Variants in CAMTA1 observed in about 807,000 individuals in gnomAD.
CAMTA1 encodes the protein calmodulin-binding transcription activator 1.
A neutral mutation model predicts 170.9 loss-of-function variants in CAMTA1; 27 were observed. The ratio of observed to expected loss-of-function variants is 0.16; its 90% confidence interval spans 0.12 to 0.22. The LOEUF is 0.22. Ranked by LOEUF, CAMTA1 falls within the 10% of genes least tolerant of loss-of-function variation. The pLI is 1.00. For synonymous variants in CAMTA1, 833 were observed against 891.5 expected (o/e 0.93, Z 1.17); for missense variants, 1,619 against 2,217.2 (o/e 0.73, Z 5.42).
intron 3 of CAMTA1, among the ~76,000 whole-genome samples, chr1:7,005,036 T>C (rs1025933342): frequency 6.6e-6 from 1 of 152,226 alleles, no homozygotes; most frequent in East Asian, 1.9e-4. Flanking sequence ...CCTTCCAAAG[T>C]GCTGGGATTA....
chr1:6,793,279 A>G (rs183318206), intron 1 of CAMTA1, among the ~76,000 whole-genome samples: 1 of 152,272 alleles, frequency 6.6e-6, no homozygotes, highest in Admixed American at 6.5e-5. Context: ...TAGAGCATTC[A>G]TTCGTTCAGC....
In CAMTA1 at chr1:7,724,586, A is replaced by G. The variant is rs964646508; in HGVS notation, c.2915-7862A>G. Among the ~76,000 whole-genome samples, 17 of 152,092 alleles carry G rather than the reference A, an allele frequency of 1.1e-4. No individual in the cohort carries two copies. In the East Asian group the frequency reaches 3.3e-3, roughly 29 times the overall value. ...GGTGGCTCACGCCTGTAATCCTAGC[A>G]CTTTGGGAGGCTGAGGTGGGCAGAT... On this transcript the variant is annotated intron_variant, in intron 11 of 22. Transcript: ENST00000303635.
At chr1:7,132,436 G>A (rs1051170576) in intron 4 of CAMTA1, among the ~76,000 whole-genome samples, 6 of 152,060 alleles carry the variant, frequency 3.9e-5, no homozygotes, top group Non-Finnish European at 7.4e-5. Context: ...CACCATGCTC[G>A]GCTGATTTTT....
chr1:6,853,605 A>G (rs1324609304), intron 3 of CAMTA1, among the ~76,000 whole-genome samples: 6 of 152,186 alleles, frequency 3.9e-5, no homozygotes, highest in African/African-American at 1.4e-4. Context: ...TATATTAAAT[A>G]AAAATGAACC....
intron 6 of CAMTA1, among the ~76,000 whole-genome samples, chr1:7,476,440 A>T (rs1170394202): frequency 6.6e-6 from 1 of 152,076 alleles, no homozygotes; most frequent in East Asian, 1.9e-4. Context: ...AAGTTGAAGG[A>T]TGGAAGAAAT....
At chr1:7,720,694 T>A (rs1558216202) in intron 11 of CAMTA1, among the ~76,000 whole-genome samples, 1 of 152,200 alleles carries the variant, frequency 6.6e-6, no homozygotes, top group Non-Finnish European at 1.5e-5. Flanking sequence ...GGTTTGGTAT[T>A]TTTCATGAGA....
chr1:7,014,533 C>T lies in CAMTA1; in HGVS notation c.235-76771C>T. 6.6e-6 allele frequency among the ~76,000 whole-genome samples: 1 copy of T among 152,188 alleles called. No homozygotes were observed. Among genetic ancestry groups the T allele is most frequent in the East Asian group, 1.9e-4 (1 of 5,192 alleles). On this transcript the variant is annotated intron_variant, in intron 3 of 22. Transcript: ENST00000303635. The surrounding 1 kb of genome is among the most constrained non-coding windows in gnomAD (Gnocchi z 4.2). ...AGGCGAATGGCTGCAGGGACTGAGG[C>T]CTTTCTGTAACTAAAGCCCAGCCCA...
At chr1:7,755,753 C>CT in intron 22 of CAMTA1, 85 bp downstream of exon 22, 1 of 1,090,034 alleles carries the variant, frequency 9.2e-7, no homozygotes, top group Non-Finnish European at 1.4e-6. Flanking sequence ...AGGCTGCAGC[C>CT]TAGGTATGCC....
chr1:7,579,244 T>C (rs892705520), intron 6 of CAMTA1, among the ~76,000 whole-genome samples: 1 of 152,256 alleles, frequency 6.6e-6, no homozygotes, highest in Non-Finnish European at 1.5e-5. Context: ...TTTGGACACT[T>C]TGACCATTGC....
At chr1:7,393,975 C>T (rs1282081741) in intron 5 of CAMTA1, among the ~76,000 whole-genome samples, 3 of 152,152 alleles carry the variant, frequency 2.0e-5, no homozygotes, top group African/African-American at 7.2e-5. Context: ...GCTTATTTCA[C>T]TTAACAAAAT....
chr1:7,766,026 C>CA (rs59692886), intron 22 of CAMTA1, among the ~76,000 whole-genome samples: 24,201 of 70,904 alleles, frequency 0.34, 2,518 homozygotes, highest in East Asian at 0.46. Flanking sequence ...GATTCTGTCT[C>CA]AAAAAAAAAA....
At chr1:7,237,625 A>G (rs1487905192) in intron 4 of CAMTA1, among the ~76,000 whole-genome samples, 1 of 152,216 alleles carries the variant, frequency 6.6e-6, no homozygotes, top group African/African-American at 2.4e-5. Flanking sequence ...TAATATCCAC[A>G]CGCAAAACGT....
At chr1:7,503,720 A>C (rs1035381118) in intron 6 of CAMTA1, among the ~76,000 whole-genome samples, 23 of 152,110 alleles carry the variant, frequency 1.5e-4, no homozygotes, top group African/African-American at 5.6e-4. Context: ...GCTCAGCTCG[A>C]TTCTTAGATG....
intron 1 of CAMTA1, among the ~76,000 whole-genome samples, chr1:6,792,316 A>G (rs962767837): frequency 1.3e-5 from 2 of 151,738 alleles, no homozygotes; most frequent in Non-Finnish European, 2.9e-5. Context: ...GGGACAAAGT[A>G]AAGGGTGAGT....
At chr1:6,899,006 T>C (rs567882165) in intron 3 of CAMTA1, among the ~76,000 whole-genome samples, 1 of 152,334 alleles carries the variant, frequency 6.6e-6, no homozygotes, top group South Asian at 2.1e-4. Context: ...CCTGTGGATC[T>C]GTAGGAAAAC....
intron 5 of CAMTA1, among the ~76,000 whole-genome samples, chr1:7,411,097 C>T (rs7535846): frequency 0.33 from 49,473 of 151,998 alleles, 8,665 homozygotes; most frequent in Middle Eastern, 0.61. Context: ...ATTCTCACCA[C>T]GGTCATCCTG....
chr1:7,617,952 C>G (rs1310501937), intron 6 of CAMTA1, among the ~76,000 whole-genome samples: 1 of 152,114 alleles, frequency 6.6e-6, no homozygotes, highest in African/African-American at 2.4e-5. Flanking sequence ...TGGCACAGAT[C>G]GACATTAGTT....
intron 6 of CAMTA1, among the ~76,000 whole-genome samples, chr1:7,623,537 G>A (rs1396309283): frequency 2.6e-5 from 4 of 152,166 alleles, no homozygotes; most frequent in East Asian, 1.9e-4. Flanking sequence ...AAGGCACCTC[G>A]CCCTCAAGCA....
intron 3 of CAMTA1, among the ~76,000 whole-genome samples, chr1:7,059,967 C>T (rs1201321928): frequency 6.6e-6 from 1 of 152,092 alleles, no homozygotes; most frequent in East Asian, 1.9e-4. Context: ...CAGGTTTCAG[C>T]CCAAGTCACC....
Sources: allele counts gnomAD v4.1 joint callset (sites outside exome capture counted in the v4.1 genomes callset), GRCh38; gene constraint gnomAD v4.1.1; non-coding constraint Gnocchi (gnomAD v3.1); transcripts MANE v1.5; gene names NCBI Gene and HGNC (gene_info 2026-07-23, HGNC 2026-07-21).